The following HSD17B4 variants were observed in gnomAD, a reference collection of about 807,000 sequenced individuals.
HSD17B4 encodes the protein hydroxysteroid 17-beta dehydrogenase 4.
In HSD17B4, 70 loss-of-function variants were observed where a neutral mutation model predicts 101.0. The observed-to-expected ratio is 0.69, with a 90% CI of 0.57 to 0.85. The LOEUF (loss-of-function observed/expected upper bound fraction) is 0.85. Ranked by LOEUF, HSD17B4 falls within the 40% of genes least tolerant of loss-of-function variation. The pLI, the probability that HSD17B4 is intolerant of heterozygous loss-of-function variation, is 0.00. For synonymous variants in HSD17B4, 347 were observed against 297.1 expected (o/e 1.17, Z -1.73); for missense variants, 984 against 892.4 (o/e 1.10, Z -1.31).
intron 17 of HSD17B4, among the ~76,000 whole-genome samples, chr5:119,519,331 T>C (rs762159674): frequency 6.6e-6 from 1 of 152,258 alleles, no homozygotes; most frequent in African/African-American, 2.4e-5. Context: ...ACATATCTTA[T>C]ACTATACATA....
chr5:119,533,637 C>T (rs1321827680), intron 22 of HSD17B4, among the ~76,000 whole-genome samples: 1 of 151,946 alleles, frequency 6.6e-6, no homozygotes, highest in African/African-American at 2.4e-5. Flanking sequence ...GTTGTGGTAC[C>T]AACACTGTAG....
chr5:119,536,423 C>G lies in HSD17B4; in HGVS notation c.1994C>G (p.Thr665Ser). The G allele has an allele frequency of 6.2e-7, 1 of 1,611,908 alleles. No individual in the cohort carries two copies. ...ATTGGTTTCTTCCTATTTTTCCCAGCTATTGACCTGAAAAGTGGTTCTGGA... is the reference window on the plus strand; with the variant it reads ...ATTGGTTTCTTCCTATTTTTCCCAGGTATTGACCTGAAAAGTGGTTCTGGA... The part of the protein sequence containing the change: ...TKGGNIGAKW[T>S]IDLKSGSGKV... Residue 665 changes from threonine (T) to serine (S), a missense_variant and splice_region_variant, in exon 23 of 24, where the codon ACT (threonine) becomes AGT (serine). Thr to Ser is a moderately conservative substitution (Grantham distance 58). Coordinates refer to ENST00000510025, the MANE Select transcript of HSD17B4 (RefSeq NM_000414.4).
chr5:119,484,159 G>A (rs1274739483), intron 8 of HSD17B4, among the ~76,000 whole-genome samples: 3 of 152,084 alleles, frequency 2.0e-5, no homozygotes, highest in Non-Finnish European at 4.4e-5. Flanking sequence ...AGTGAGCTAC[G>A]GTTGCACCTC....
At chr5:119,538,311 A>G (rs571618116) in intron 23 of HSD17B4, among the ~76,000 whole-genome samples, 1 of 152,076 alleles carries the variant, frequency 6.6e-6, no homozygotes, top group Admixed American at 6.6e-5. Flanking sequence ...TCTTGAATTC[A>G]TCTTCTCTTC....
intron 9 of HSD17B4, among the ~76,000 whole-genome samples, chr5:119,491,527 TTATC>T (rs749950100): frequency 3.4e-4 from 51 of 152,040 alleles, no homozygotes; most frequent in Non-Finnish European, 6.8e-4. Context: ...CAGTGAAAAT[TTATC>T]TTTCTGGGTA....
At chr5:119,525,493 A>G (rs1187182656) in intron 18 of HSD17B4, among the ~76,000 whole-genome samples, 1 of 152,126 alleles carries the variant, frequency 6.6e-6, no homozygotes, top group Non-Finnish European at 1.5e-5. Flanking sequence ...TGGTGGAGGG[A>G]AGTTCCCGCT....
At chr5:119,478,753 A>C in intron 7 of HSD17B4, 81 bp from the exon 8 acceptor site, 2 of 1,121,140 alleles carry the variant, frequency 1.8e-6, no homozygotes, top group Non-Finnish European at 2.7e-6. Context: ...TGATAGGTGC[A>C]GTAGTACCAA....
intron 16 of HSD17B4, among the ~76,000 whole-genome samples, chr5:119,513,881 C>T (rs1277782805): frequency 1.3e-5 from 2 of 152,106 alleles, no homozygotes; most frequent in Non-Finnish European, 2.9e-5. Context: ...ACATGGCATA[C>T]AATGGATTTT....
intron 13 of HSD17B4, among the ~76,000 whole-genome samples, chr5:119,501,438 C>T (rs1286856481): frequency 6.6e-6 from 1 of 151,694 alleles, no homozygotes; most frequent in Non-Finnish European, 1.5e-5. Context: ...TGTTGTTTTC[C>T]TATATACCTT....
intron 20 of HSD17B4, among the ~76,000 whole-genome samples, chr5:119,528,189 A>G (rs1404654510): frequency 6.6e-6 from 1 of 152,134 alleles, no homozygotes; most frequent in African/African-American, 2.4e-5. Flanking sequence ...GGTGTCCTAA[A>G]TAACTTGCTC....
chr5:119,537,362 T>C (rs948250873), intron 23 of HSD17B4, among the ~76,000 whole-genome samples: 1 of 152,150 alleles, frequency 6.6e-6, no homozygotes, highest in Admixed American at 6.6e-5. Flanking sequence ...CTTAATTTTC[T>C]CATTTGTAAA....
At chr5:119,505,814 A>G (rs911112649) in intron 14 of HSD17B4, among the ~76,000 whole-genome samples, 1 of 152,038 alleles carries the variant, frequency 6.6e-6, no homozygotes, top group Admixed American at 6.6e-5. Flanking sequence ...TTAAGAAAGA[A>G]TGGGGTAAAC....
At position 119,456,688 on chromosome 5, in the gene HSD17B4, A is replaced by G. The variant is rs1313274636; in HGVS notation, c.112+320A>G. On this transcript the variant is annotated intron_variant, in intron 2 of 23. Coordinates refer to ENST00000510025, the MANE Select transcript of HSD17B4 (RefSeq NM_000414.4). ...CTTGAGACCAGGAGTTCGAGCCTGC[A>G]GAGAACTATGATTATACCACTGCAC... The G allele has an allele frequency of 3.6e-5, 14 of 391,622 alleles. 1 individual carries two copies. Among genetic ancestry groups the G allele is most frequent in the Non-Finnish European group, 4.8e-5 (10 of 210,026 alleles). 24.3% of individuals were successfully genotyped at this position (391,622 alleles called of 1,614,324 possible). A position where few individuals can be genotyped will look rare whatever the true frequency, so the allele number is the denominator to read the frequency against.
At chr5:119,515,727 T>C (rs1334004560) in intron 17 of HSD17B4, among the ~76,000 whole-genome samples, 1 of 152,170 alleles carries the variant, frequency 6.6e-6, no homozygotes, top group Non-Finnish European at 1.5e-5. Flanking sequence ...ACCATGCAGA[T>C]ATAGCATAAA....
chr5:119,468,676 G>A (rs759303603), intron 2 of HSD17B4, among the ~76,000 whole-genome samples: 6 of 152,034 alleles, frequency 3.9e-5, no homozygotes, highest in Admixed American at 1.3e-4. Flanking sequence ...GGACTTGGGA[G>A]TTTTCAGCTA....
intron 14 of HSD17B4, among the ~76,000 whole-genome samples, chr5:119,505,127 C>G (rs1013954408): frequency 1.3e-5 from 2 of 150,956 alleles, no homozygotes; most frequent in African/African-American, 4.9e-5. Context: ...CAGTGCCATG[C>G]TGTTTTGGTT....
intron 2 of HSD17B4, among the ~76,000 whole-genome samples, chr5:119,465,437 A>G (rs1755711945): frequency 6.6e-6 from 1 of 151,766 alleles, no homozygotes; most frequent in Non-Finnish European, 1.5e-5. Context: ...TCTTGCTGCC[A>G]CTCTTGCCAT....
intron 1 of HSD17B4, among the ~76,000 whole-genome samples, chr5:119,455,999 C>G (rs375415944): frequency 6.6e-6 from 1 of 152,176 alleles, no homozygotes; most frequent in African/African-American, 2.4e-5. Context: ...GTAAGGTGGT[C>G]TCTGTCTCAC....
At chr5:119,510,402 A>G (rs1752064138) in intron 16 of HSD17B4, among the ~76,000 whole-genome samples, 1 of 152,206 alleles carries the variant, frequency 6.6e-6, no homozygotes, top group Non-Finnish European at 1.5e-5. Context: ...TTTTTCCTAA[A>G]AATATTTAAT....
Sources: gnomAD v4.1 joint callset for allele counts (sites outside exome capture counted in the v4.1 genomes callset) on GRCh38, gnomAD v4.1.1 for gene constraint, MANE v1.5 for transcripts, NCBI Gene and HGNC (gene_info 2026-07-23, HGNC 2026-07-21) for gene names.